ATG2A: variants seen among roughly 807,000 people sequenced by gnomAD.
ATG2A encodes autophagy-related protein 2 homolog A.
Under a neutral mutation model 214.2 loss-of-function variants are expected in ATG2A, and 103 were observed. That is an observed-to-expected ratio of 0.48 (90% CI 0.41 to 0.57). The LOEUF (loss-of-function observed/expected upper bound fraction) is 0.57. Among genes scored for constraint, ATG2A ranks in the 20% least tolerant of loss-of-function variants. ATG2A has a pLI of 0.00. For missense variants in ATG2A, 2,312 were observed against 2,613.2 expected (o/e 0.88, Z 2.51); for synonymous variants, 1,160 against 1,142.1 (o/e 1.02, Z -0.32).
In ATG2A at chr11:64,898,527, G is replaced by A. The variant is rs1944237964; in HGVS notation, c.4671+109C>T. 7.8e-6 allele frequency: 11 copies of A among 1,412,066 alleles called. No individual in the cohort carries two copies. The highest frequency in any genetic ancestry group is 1.1e-5 in the Non-Finnish European group (11 of 1,020,150). 87.5% of individuals were successfully genotyped at this position (1,412,066 alleles called of 1,614,324 possible). A position where few individuals can be genotyped will look rare whatever the true frequency, so the allele number is the denominator to read the frequency against. On this transcript the variant is annotated intron_variant, in intron 32 of 40. Coordinates refer to ENST00000377264, the MANE Select transcript of ATG2A (RefSeq NM_015104.3). This position sits in a 1 kb window ranked among gnomAD's most constrained non-coding sequence, Gnocchi z 4.5. ...TTCTCCCAGGCTCACAAACAACCTG[G>A]GTGTTTGTGTGGGAATGCGTGTATG... is the stretch of plus-strand genomic sequence containing the variant.
Position 64,898,345 on chromosome 11 carries a change from C to A in ATG2A, c.4689G>T (p.Leu1563=), listed in dbSNP as rs146480656. The A allele has an allele frequency of 1.2e-5, 20 of 1,606,132 alleles. No individual in the cohort carries two copies. Among genetic ancestry groups the A allele is most frequent in the African/African-American group, 8.1e-5 (6 of 74,436 alleles). Residue 1563 remains leucine, a synonymous_variant, in exon 33 of 41, where the codon CTG becomes CTT. Coordinates refer to ENST00000377264, the MANE Select transcript of ATG2A (RefSeq NM_015104.3). The surrounding 1 kb of genome is among the most constrained non-coding windows in gnomAD (Gnocchi z 4.5). ...AHSNMLTIKA[L]HVAPTTNLGG... is the part of the protein sequence containing the mutation. Reference sequence around the variant, plus strand: ...CCAGGTTGGTAGTGGGGGCCACATGCAGCGCTTTGATGGTGAGCTGGGAGC... The same window carrying A: ...CCAGGTTGGTAGTGGGGGCCACATGAAGCGCTTTGATGGTGAGCTGGGAGC...
In ATG2A at chr11:64,906,184, C is replaced by G. The variant is rs1944540143; in HGVS notation, c.3193G>C (p.Val1065Leu). ...DPHKNVKEFL[V>L]TLRLHKATLR... ...GTGGCTTTGTGCAACCGCAGTGTCA[C>G]CAGGAACTCCTGAGGGTGGGGGCGC... is the stretch of plus-strand genomic sequence containing the variant. Residue 1065 changes from valine to leucine, a missense_variant, in exon 22 of 41, where the codon GTG becomes CTG. Val to Leu is a conservative substitution (Grantham distance 32). Coordinates refer to ENST00000377264, the MANE Select transcript of ATG2A (RefSeq NM_015104.3). The G allele has an allele frequency of 1.2e-6, 2 of 1,610,260 alleles. No homozygotes were observed. Among genetic ancestry groups the G allele is most frequent in the Non-Finnish European group, 8.5e-7 (1 of 1,178,624 alleles).
At position 64,905,830 on chromosome 11, in the gene ATG2A, C is replaced by G; in HGVS notation, c.3283G>C (p.Val1095Leu). The G allele has an allele frequency of 1.9e-6, 3 of 1,613,552 alleles. No homozygotes were observed. The highest frequency in any genetic ancestry group is 2.5e-6 in the Non-Finnish European group (3 of 1,179,992). Reference sequence around the variant, plus strand: ...TAGCCCAGCACAGGGTCATCCAGCACGTCTAGGAACTCCAACAACTTCAGA... The same window carrying G: ...TAGCCCAGCACAGGGTCATCCAGCAGGTCTAGGAACTCCAACAACTTCAGA... ...WHSQLLEFLD[V>L]LDDPVLGYLP... The change falls in exon 23 of 41, where the codon GTG (valine) becomes CTG (leucine). Residue 1095 changes from valine to leucine, a missense_variant. By Grantham distance (32) the Val-to-Leu change is conservative (BLOSUM62 1). Coordinates refer to ENST00000377264, the MANE Select transcript of ATG2A (RefSeq NM_015104.3).
chr11:64,902,257 C>A lies in ATG2A; in HGVS notation c.3904+3G>T. 4 of 1,613,274 alleles carry A rather than the reference C, an allele frequency of 2.5e-6. No individual in the cohort carries two copies. Among genetic ancestry groups the A allele is most frequent in the Non-Finnish European group, 3.4e-6 (4 of 1,180,016 alleles). On this transcript the variant is annotated splice_donor_region_variant and intron_variant, in intron 28 of 40. Transcript: ENST00000377264. ...TGCTGTCCCCACAGCACCCCCACTT[C>A]ACCTGAAGGCTGGGCCAGCTCCCGT...
chr11:64,897,813 C>A, intron 35 of ATG2A, 26 bp downstream of exon 35: 2 of 1,613,550 alleles, frequency 1.2e-6, no homozygotes, highest in Non-Finnish European at 1.7e-6. Context: ...GGCCCAGGGC[C>A]CCCCACCCGC....
Position 64,909,356 on chromosome 11 carries a change from C to T in ATG2A, c.2119G>A (p.Asp707Asn). 2 of 1,613,126 alleles carry T rather than the reference C, an allele frequency of 1.2e-6. No individual in the cohort carries two copies. Among genetic ancestry groups the T allele is most frequent in the South Asian group, 2.2e-5 (2 of 91,066 alleles). ...TCSDLHGIYEDGGKPPVPCLR... is the reference protein window; with the variant it reads ...TCSDLHGIYENGGKPPVPCLR... ...CAAGGGACAGGTGGCTTCCCTCCAT[C>T]TTCATAGATACCTGGAGGGGGATGG... is the stretch of plus-strand genomic sequence containing the variant. Residue 707 changes from aspartate to asparagine, a missense_variant, in exon 15 of 41, where the codon GAT (aspartate) becomes AAT (asparagine). Physicochemically the swap from Asp to Asn is conservative, Grantham distance 23. Transcript: ENST00000377264.
At position 64,902,763 on chromosome 11, in the gene ATG2A, C is replaced by T. The variant is rs991429503; in HGVS notation, c.3613-83G>A. The T allele has an allele frequency of 4.8e-5, 63 of 1,316,848 alleles. 1 individual carries two copies. The highest frequency in any genetic ancestry group is 2.3e-4 in the South Asian group (17 of 74,748). The allele number at this position is 1,316,848 out of a possible 1,614,324, so 81.6% of individuals were successfully genotyped here. A position where few individuals can be genotyped will look rare whatever the true frequency, so the allele number is the denominator to read the frequency against. On this transcript the variant is annotated intron_variant, in intron 26 of 40. Coordinates refer to ENST00000377264, the MANE Select transcript of ATG2A (RefSeq NM_015104.3). ...CCCCACCCGCTCGCTGGGAGGGCAC[C>T]GCAGTTCTGATCCTGCCACAGGCAG...
At position 64,907,643 on chromosome 11, in the gene ATG2A, C is replaced by T; in HGVS notation, c.2529G>A (p.Met843Ile). 1 of 1,598,330 alleles carries T rather than the reference C, an allele frequency of 6.3e-7. No individual in the cohort carries two copies. The highest frequency in any genetic ancestry group is 8.5e-7 in the Non-Finnish European group (1 of 1,172,182). ...TGGGAAGCAGATCTGCAGGCTCCCA[C>T]ATGAGCAGGTCGTTGTTGATCCTGA... ...IYNRINNDLLMWEPADLLPTP... is the reference protein window; with the variant it reads ...IYNRINNDLLIWEPADLLPTP... Residue 843 changes from methionine (M) to isoleucine (I), a missense_variant, in exon 18 of 41, where the codon ATG becomes ATA. Met to Ile is a conservative substitution (Grantham distance 10, BLOSUM62 1). Transcript: ENST00000377264.
chr11:64,896,172 G>A (rs1435413034), intron 39 of ATG2A, among the ~76,000 whole-genome samples: 1 of 152,198 alleles, frequency 6.6e-6, no homozygotes, highest in Non-Finnish European at 1.5e-5. Context: ...AAACACAGCC[G>A]TCCTCCACCC....
chr11:64,900,426 T>A, intron 31 of ATG2A, 68 bp downstream of exon 31: 1 of 1,606,656 alleles, frequency 6.2e-7, no homozygotes, highest in South Asian at 1.1e-5. Context: ...TTGCTACACG[T>A]GACATCGAGA....
chr11:64,909,435 G>A (rs1944678090), intron 14 of ATG2A, 68 bp from the exon 15 acceptor site: 1 of 1,524,940 alleles, frequency 6.6e-7, no homozygotes, highest in Non-Finnish European at 9.0e-7. Flanking sequence ...CCAATGCCCA[G>A]GTCGGCTCAG....
At position 64,912,621 on chromosome 11, in the gene ATG2A, T is replaced by G. The variant is rs1051093797; in HGVS notation, c.826-198A>C. 7.6e-5 allele frequency: 43 copies of G among 565,636 alleles called. No homozygotes were observed. In the African/African-American group the frequency reaches 7.8e-4, roughly 10 times the overall value. 35.0% of individuals were successfully genotyped at this position (565,636 alleles called of 1,614,324 possible). A position where few individuals can be genotyped will look rare whatever the true frequency, so the allele number is the denominator to read the frequency against. On this transcript the variant is annotated intron_variant, in intron 6 of 40. Transcript: ENST00000377264. ...TTTTTTCTTCTTTTTGAGATGGAGTTTCACTCTTGTTGCCCAGGCTGCAGT... is the reference window on the plus strand; with the variant it reads ...TTTTTTCTTCTTTTTGAGATGGAGTGTCACTCTTGTTGCCCAGGCTGCAGT...
In ATG2A at chr11:64,898,377, T is replaced by C; in HGVS notation, c.4672-15A>G. The C allele has an allele frequency of 6.3e-7, 1 of 1,581,776 alleles. No homozygotes were observed. Among genetic ancestry groups the C allele is most frequent in the Admixed American group, 1.9e-5 (1 of 53,694 alleles). On this transcript the variant is annotated splice_polypyrimidine_tract_variant and intron_variant, in intron 32 of 40. Coordinates refer to ENST00000377264, the MANE Select transcript of ATG2A (RefSeq NM_015104.3). This position sits in a 1 kb window ranked among gnomAD's most constrained non-coding sequence, Gnocchi z 4.5. ...TTGATGGTGAGCTGGGAGCAGAGGGTGAGTTCTGGACACCTGCTGGGCCTC... is the reference window on the plus strand; with the variant it reads ...TTGATGGTGAGCTGGGAGCAGAGGGCGAGTTCTGGACACCTGCTGGGCCTC...
chr11:64,902,638 G>A lies in ATG2A; in HGVS notation c.3655C>T (p.His1219Tyr), dbSNP rs1944397412. 6.2e-7 allele frequency: 1 copy of A among 1,611,270 alleles called. No homozygotes were observed. Among genetic ancestry groups the A allele is most frequent in the Non-Finnish European group, 8.5e-7 (1 of 1,179,856 alleles). Residue 1219 changes from histidine to tyrosine, a missense_variant, in exon 27 of 41, where the codon CAC becomes TAC. Physicochemically the swap from His to Tyr is moderately conservative, Grantham distance 83 (BLOSUM62 2). Coordinates refer to ENST00000377264, the MANE Select transcript of ATG2A (RefSeq NM_015104.3). ...CAGGAGTCGGCACAGCTGTGCACGT[G>A]TACCACATTGTTGGAGCAGCGCAGC... Reference protein sequence around the residue: ...FELRCSNNVVHVHSCADSCAL... With the variant: ...FELRCSNNVVYVHSCADSCAL...
At chr11:64,906,593 C>T in intron 20 of ATG2A, 60 bp from the exon 21 acceptor site, 5 of 1,608,600 alleles carry the variant, frequency 3.1e-6, no homozygotes, top group Non-Finnish European at 4.2e-6. Context: ...CCACCCAGGG[C>T]CCACATCCGT....
Position 64,903,510 on chromosome 11 carries a change from G to A in ATG2A, c.3535+80C>T. On this transcript the variant is annotated intron_variant, in intron 25 of 40. Transcript: ENST00000377264. This position sits in a 1 kb window ranked among gnomAD's most constrained non-coding sequence, Gnocchi z 4.2. Reference sequence around the variant, plus strand: ...GCTAAGGACCCGGCCAGCAGCTGCGGGGAGACACCTGGCTGCTCTGGGTGT... The same window carrying A: ...GCTAAGGACCCGGCCAGCAGCTGCGAGGAGACACCTGGCTGCTCTGGGTGT... 2 of 1,480,208 alleles carry A rather than the reference G, an allele frequency of 1.4e-6. No homozygotes were observed. Among genetic ancestry groups the A allele is most frequent in the African/African-American group, 1.4e-5 (1 of 72,000 alleles). The allele number at this position is 1,480,208 out of a possible 1,614,324, so 91.7% of individuals were successfully genotyped here.
chr11:64,898,847 G>T lies in ATG2A; in HGVS notation c.4465-5C>A, dbSNP rs891066994. 4.4e-6 allele frequency: 7 copies of T among 1,606,350 alleles called. No individual in the cohort carries two copies. Among genetic ancestry groups the T allele is most frequent in the Admixed American group, 1.7e-5 (1 of 59,974 alleles). ...CACCTCGTGCTGGAAGCTTACCTGT[G>T]GGGTGGACAGAGGCCTGGCCAGGTA... On this transcript the variant is annotated splice_polypyrimidine_tract_variant and splice_region_variant and intron_variant, in intron 31 of 40. Transcript: ENST00000377264. The surrounding 1 kb of genome is among the most constrained non-coding windows in gnomAD (Gnocchi z 4.5).
intron 2 of ATG2A, 21 bp downstream of exon 2, chr11:64,914,317 C>G: frequency 1.9e-6 from 3 of 1,577,346 alleles, no homozygotes; most frequent in Non-Finnish European, 2.6e-6. Context: ...TTGCCTGCCC[C>G]CAGCCTCGCC....
chr11:64,899,471 C>T (rs7113751), intron 31 of ATG2A, among the ~76,000 whole-genome samples: 13,617 of 152,222 alleles, frequency 0.089, 1,019 homozygotes, highest in African/African-American at 0.21. Context: ...TCTTGCAGCA[C>T]AGCCCACCAA....
Sources: gnomAD v4.1 joint callset for allele counts (sites outside exome capture counted in the v4.1 genomes callset) on GRCh38, gnomAD v4.1.1 for gene constraint, Gnocchi (gnomAD v3.1) non-coding constraint, MANE v1.5 for transcripts, NCBI Gene and HGNC (gene_info 2026-07-23, HGNC 2026-07-21) for gene names.